TCN1: variants seen among roughly 807,000 people sequenced by gnomAD.
TCN1 encodes the protein transcobalamin 1, also known as transcobalamin-1.
TCN1 carries 47 observed loss-of-function variants against 46.3 expected under a neutral mutation model. The ratio of observed to expected loss-of-function variants is 1.01; its 90% CI spans 0.80 to 1.29. The LOEUF (loss-of-function observed/expected upper bound fraction) is 1.29. TCN1 is among the 50% of genes most tolerant of loss of function. The probability of loss-of-function intolerance (pLI) is 0.00; values close to 1 mark genes in which losing one functional copy is unlikely to be tolerated. For missense variants in TCN1, 532 were observed against 511.0 expected, an observed-to-expected ratio of 1.04 and a Z score of -0.40; for synonymous variants, 183 against 192.5, an observed-to-expected ratio of 0.95 and a Z score of 0.41.
chr11:59,861,633 G>C lies in TCN1; in HGVS notation c.450C>G (p.Asp150Glu). ...CATTGAACAGACACAAGGCCAAAAC[G>C]TCCAGGCTGAGCTGGTAGTAGTTAG... ...PLTNYYQLSL[D>E]VLALCLFNGN... Residue 150 changes from aspartate (D) to glutamate (E), a missense_variant, in exon 4 of 9, where the codon GAC becomes GAG. Coordinates refer to ENST00000257264, the MANE Select transcript of TCN1 (RefSeq NM_001062.4). 1.2e-6 allele frequency: 2 copies of C among 1,614,150 alleles called. No individual in the cohort carries two copies. Among genetic ancestry groups the C allele is most frequent in the Non-Finnish European group, 1.7e-6 (2 of 1,179,980 alleles).
At position 59,852,973 on chromosome 11, in the gene TCN1, T is replaced by C; in HGVS notation, c.*2A>G. The C allele has an allele frequency of 6.2e-7, 1 of 1,614,070 alleles. No homozygotes were observed. The highest frequency in any genetic ancestry group is 1.1e-5 in the South Asian group (1 of 91,076). ...TATGCAGCTGAGGAAAGTTTGGGCT[T>C]ATTAGTATTTGCTCCAGCGAACCTC... On this transcript the variant is annotated 3_prime_UTR_variant, in exon 9 of 9. Coordinates refer to ENST00000257264, the MANE Select transcript of TCN1 (RefSeq NM_001062.4).
intron 4 of TCN1, among the ~76,000 whole-genome samples, chr11:59,860,218 C>T (rs528825132): frequency 1.1e-4 from 17 of 152,256 alleles, no homozygotes; most frequent in African/African-American, 4.1e-4. Flanking sequence ...CGAACTCTGC[C>T]TCCTGGGTTC....
rs865842610 is a variant in TCN1 at position 59,852,992 on chromosome 11, G to A, written c.1285C>T (p.Arg429Cys). 11 of 1,614,048 alleles carry A rather than the reference G, an allele frequency of 6.8e-6. No homozygotes were observed. In the Middle Eastern group the frequency reaches 5.0e-4, roughly 73 times the overall value. The change falls in exon 9 of 9, where the codon CGC (arginine) becomes TGC (cysteine). Residue 429 changes from arginine to cysteine, a missense_variant. By Grantham distance (180) the Arg-to-Cys change is radical. Transcript: ENST00000257264. ...TGGGCTTATTAGTATTTGCTCCAGC[G>A]AACCTCCAAGTTTTCTCCATTGCGG... ...VVRNGENLEV[R>C]WSKY
intron 2 of TCN1, 53 bp from the exon 3 acceptor site, chr11:59,862,775 G>T (rs1441003855): frequency 1.9e-6 from 3 of 1,606,292 alleles, no homozygotes; most frequent in East Asian, 4.5e-5. Flanking sequence ...GATTTTTTGG[G>T]CCTCCTGATT....
intron 1 of TCN1, among the ~76,000 whole-genome samples, chr11:59,865,738 A>G (rs1280495721): frequency 6.6e-6 from 1 of 152,156 alleles, no homozygotes; most frequent in East Asian, 1.9e-4. Flanking sequence ...TGGGTCATTC[A>G]ATAACTAAGG....
intron 3 of TCN1, among the ~76,000 whole-genome samples, chr11:59,861,967 T>A (rs1330152558): frequency 6.6e-6 from 1 of 152,234 alleles, no homozygotes; most frequent in Non-Finnish European, 1.5e-5. Flanking sequence ...AGGGCCAGAA[T>A]ACAGGTTTTC....
intron 4 of TCN1, among the ~76,000 whole-genome samples, chr11:59,861,318 C>T (rs1462041330): frequency 2.0e-5 from 3 of 152,108 alleles, no homozygotes; most frequent in Admixed American, 1.3e-4. Flanking sequence ...GAGCAGAAAC[C>T]GGGTATTTCT....
At chr11:59,856,163 T>C in intron 5 of TCN1, 105 bp from the exon 6 acceptor site, 1 of 874,028 alleles carries the variant, frequency 1.1e-6, no homozygotes, top group Non-Finnish European at 1.8e-6. Context: ...TAACTATATA[T>C]GTAACTAATT....
chr11:59,858,622 T>C (rs1478898652), intron 5 of TCN1, among the ~76,000 whole-genome samples: 2 of 152,076 alleles, frequency 1.3e-5, no homozygotes, highest in Admixed American at 6.6e-5. Context: ...AAATCAAAGT[T>C]AGTATAGGAA....
At chr11:59,862,785 T>A in intron 2 of TCN1, 63 bp from the exon 3 acceptor site, 2 of 1,591,598 alleles carry the variant, frequency 1.3e-6, no homozygotes, top group Non-Finnish European at 1.7e-6. Flanking sequence ...GCCTCCTGAT[T>A]TCCTTGAGAC....
rs775303175 is a variant in TCN1 at position 59,863,988 on chromosome 11, A to G, written c.178T>C (p.Ser60Pro). ...ATCTGGATTCCAACAAGTTTGAGGG[A>G]CAACACAACATTGACAGCGCTGGTT... ...RGTSAVNVVL[S>P]LKLVGIQIQT... The change falls in exon 2 of 9, where the codon TCC becomes CCC. Residue 60 changes from serine (S) to proline (P), a missense_variant. Coordinates refer to ENST00000257264, the MANE Select transcript of TCN1 (RefSeq NM_001062.4). The G allele has an allele frequency of 7.4e-6, 12 of 1,613,698 alleles. No individual in the cohort carries two copies. In the Admixed American group the frequency reaches 2.0e-4, roughly 27 times the overall value.
rs369803818 is a variant in TCN1, at chr11:59,863,883, C to T, written c.259+24G>A. On this transcript the variant is annotated intron_variant, in intron 2 of 8. Transcript: ENST00000257264. ...TAAATAGGTAGATTTTTTTCTAAAT[C>T]TTCCAGAATATACAGCAACTTACAT... 5 of 1,612,886 alleles carry T rather than the reference C, an allele frequency of 3.1e-6. No homozygotes were observed. In the East Asian group the frequency reaches 8.9e-5, roughly 29 times the overall value.
Position 59,853,264 on chromosome 11 carries a change from A to G in TCN1, c.1179T>C (p.Cys393=). Reference sequence around the variant, plus strand: ...AGTAGGTTCTGTCATTATTGTTGGCACATAGGCCCTGAATACAGGTGATAT... The same window carrying G: ...AGTAGGTTCTGTCATTATTGTTGGCGCATAGGCCCTGAATACAGGTGATAT... ...GPYITCIQGL[C]ANNNDRTYWE... is the part of the protein sequence containing the mutation. Residue 393 remains cysteine, a synonymous_variant, in exon 8 of 9, where the codon TGT becomes TGC. Coordinates refer to ENST00000257264, the MANE Select transcript of TCN1 (RefSeq NM_001062.4). 6.2e-7 allele frequency: 1 copy of G among 1,614,108 alleles called. No individual in the cohort carries two copies. The highest frequency in any genetic ancestry group is 8.5e-7 in the Non-Finnish European group (1 of 1,180,006).
rs115809648 is a variant in TCN1, at chr11:59,854,665, C to A, written c.1108G>T (p.Asp370Tyr). Residue 370 changes from aspartate to tyrosine, a missense_variant, in exon 7 of 9, where the codon GAT (aspartate) becomes TAT (tyrosine). Physicochemically the swap from Asp to Tyr is radical, Grantham distance 160. Coordinates refer to ENST00000257264, the MANE Select transcript of TCN1 (RefSeq NM_001062.4). ...SVMEKAQKMN[D>Y]TIFGFTMEER... ...GTACAGACCTACCCAAATATAGTAT[C>A]ATTCATTTTCTGGGCTTTCTCCATC... The A allele has an allele frequency of 4.0e-5, 64 of 1,613,824 alleles. No homozygotes were observed. In the African/African-American group the frequency reaches 7.6e-4, roughly 19 times the overall value.
chr11:59,865,730 G>T (rs1853066260), intron 1 of TCN1, among the ~76,000 whole-genome samples: 1 of 152,058 alleles, frequency 6.6e-6, no homozygotes, highest in Admixed American at 6.6e-5. Flanking sequence ...AGAAATGTTG[G>T]GTCATTCAAT....
chr11:59,861,748 A>G (rs1042879521), intron 3 of TCN1, 66 bp from the exon 4 acceptor site: 3 of 1,533,022 alleles, frequency 2.0e-6, no homozygotes, highest in Non-Finnish European at 2.7e-6. Context: ...TTTTCCATCT[A>G]TTCCTACTTA....
At chr11:59,857,503 T>C (rs1020716994) in intron 5 of TCN1, among the ~76,000 whole-genome samples, 4 of 152,212 alleles carry the variant, frequency 2.6e-5, no homozygotes, top group African/African-American at 9.7e-5. Flanking sequence ...TCCCAAGGAC[T>C]CTGTGCTGGT....
At chr11:59,857,120 G>A (rs946103661) in intron 5 of TCN1, among the ~76,000 whole-genome samples, 3 of 152,062 alleles carry the variant, frequency 2.0e-5, no homozygotes, top group Non-Finnish European at 4.4e-5. Context: ...TTCCTCTTAA[G>A]ACACGTCAAT....
intron 7 of TCN1, among the ~76,000 whole-genome samples, chr11:59,853,978 G>T (rs929584431): frequency 6.8e-6 from 1 of 146,692 alleles, no homozygotes; most frequent in Non-Finnish European, 1.5e-5. Context: ...ACTTTTCAGA[G>T]GCAAAGCCAT....
Sources: allele counts gnomAD v4.1 joint callset (sites outside exome capture counted in the v4.1 genomes callset), GRCh38; gene constraint gnomAD v4.1.1; transcripts MANE v1.5; gene names NCBI Gene and HGNC (gene_info 2026-07-23, HGNC 2026-07-21).